The following TGFBI variants were observed in gnomAD, a reference collection of about 807,000 sequenced individuals.
TGFBI encodes the protein transforming growth factor-beta-induced protein ig-h3.
Under a neutral mutation model 73.7 loss-of-function variants are expected in TGFBI, and 50 were observed. That is an observed-to-expected ratio of 0.68 (90% CI 0.54 to 0.86). The LOEUF (loss-of-function observed/expected upper bound fraction) is 0.86. TGFBI is among the 40% of genes least tolerant of loss of function. TGFBI has a pLI of 0.00. For missense variants in TGFBI, 839 were observed against 877.0 expected, an observed-to-expected ratio of 0.96 and a Z score of 0.55; for synonymous variants, 362 against 360.5, an observed-to-expected ratio of 1.00 and a Z score of -0.05.
intron 3 of TGFBI, among the ~76,000 whole-genome samples, chr5:136,045,091 T>C (rs1367508051): frequency 6.6e-6 from 1 of 152,188 alleles, no homozygotes; most frequent in Non-Finnish European, 1.5e-5. Flanking sequence ...GCCAACTGTA[T>C]TGGCTATTTT....
chr5:136,055,042 T>C (rs775474151), intron 10 of TGFBI, 181 bp downstream of exon 10: 3 of 754,880 alleles, frequency 4.0e-6, no homozygotes, highest in Non-Finnish European at 6.3e-6. Flanking sequence ...GATTGGAATC[T>C]CTTTTTCTGG....
chr5:136,049,658 A>T, intron 7 of TGFBI, 78 bp downstream of exon 7: 1 of 1,510,210 alleles, frequency 6.6e-7, no homozygotes, highest in Non-Finnish European at 9.0e-7. Flanking sequence ...GTCCAAGATG[A>T]ACATACCACC....
chr5:136,042,182 T>C (rs2126906792), intron 2 of TGFBI, among the ~76,000 whole-genome samples: 1 of 152,362 alleles, frequency 6.6e-6, no homozygotes, highest in South Asian at 2.1e-4. Context: ...CCCATGCATA[T>C]GCATCCCTAG....
At chr5:136,034,186 C>T (rs1283630752) in intron 2 of TGFBI, among the ~76,000 whole-genome samples, 3 of 151,890 alleles carry the variant, frequency 2.0e-5, no homozygotes, top group Non-Finnish European at 2.9e-5. Context: ...AGTGGAGAAG[C>T]CACCAGCATG....
At chr5:136,051,265 A>G (rs1456725763) in intron 7 of TGFBI, among the ~76,000 whole-genome samples, 1 of 152,100 alleles carries the variant, frequency 6.6e-6, no homozygotes, top group African/African-American at 2.4e-5. Flanking sequence ...CCCCGTCTCT[A>G]CTAAAAATAC....
At chr5:136,051,064 G>T (rs2237071) in intron 7 of TGFBI, among the ~76,000 whole-genome samples, 47,437 of 152,058 alleles carry the variant, frequency 0.31, 7,701 homozygotes, top group African/African-American at 0.41. Flanking sequence ...TAGCCTTAAG[G>T]GGCCCAAAGG....
In TGFBI at chr5:136,033,833, T is replaced by C; in HGVS notation, c.205T>C (p.Tyr69His). 6.2e-7 allele frequency: 1 copy of C among 1,613,862 alleles called. No homozygotes were observed. The highest frequency in any genetic ancestry group is 1.6e-4 in the Middle Eastern group (1 of 6,062). ...RKYFTNCKQW[Y>H]QRKICGKSTV... Reference sequence around the variant, plus strand: ...GTACTTCACCAACTGCAAGCAGTGGTACCAAAGGAAAATCTGTGGCAAATC... The same window carrying C: ...GTACTTCACCAACTGCAAGCAGTGGCACCAAAGGAAAATCTGTGGCAAATC... Residue 69 changes from tyrosine (Y) to histidine (H), a missense_variant, in exon 2 of 17, where the codon TAC (tyrosine) becomes CAC (histidine). Transcript: ENST00000442011.
At position 136,053,828 on chromosome 5, in the gene TGFBI, G is replaced by T. The variant is rs45497697; in HGVS notation, c.1127-115G>T. 8.4e-4 allele frequency: 1,238 copies of T among 1,465,802 alleles called. 2 individuals are homozygous for T. Among genetic ancestry groups the T allele is most frequent in the Non-Finnish European group, 1.1e-3 (1,142 of 1,070,130 alleles). 90.8% of individuals were successfully genotyped at this position (1,465,802 alleles called of 1,614,324 possible). On this transcript the variant is annotated intron_variant, in intron 8 of 16. Coordinates refer to ENST00000442011, the MANE Select transcript of TGFBI (RefSeq NM_000358.3). The stretch of plus-strand genomic sequence containing the variant: ...GCTGGGCCCCAGCAGTGTTTAGAGG[G>T]GTTGTTGACTCACGAGATGACATTC...
rs200548657 is a variant in TGFBI, at chr5:136,059,079, G to T, written c.1679-11G>T. The T allele has an allele frequency of 3.1e-6, 5 of 1,608,514 alleles. No individual in the cohort carries two copies. The highest frequency in any genetic ancestry group is 4.2e-6 in the Non-Finnish European group (5 of 1,177,614). ...GGGATTAACTCTATCTCCTTTTCCC[G>T]CAACCTGCAGGAGATGCCAAGGAAC... On this transcript the variant is annotated splice_polypyrimidine_tract_variant and intron_variant, in intron 12 of 16. Transcript: ENST00000442011.
intron 14 of TGFBI, 106 bp from the exon 15 acceptor site, chr5:136,061,394 G>A: frequency 1.2e-6 from 1 of 805,370 alleles, no homozygotes; most frequent in Non-Finnish European, 2.1e-6. Flanking sequence ...ACATGTCTTT[G>A]GAAATGTGAG....
At chr5:136,045,099 T>A (rs1383443765) in intron 3 of TGFBI, among the ~76,000 whole-genome samples, 1 of 152,156 alleles carries the variant, frequency 6.6e-6, no homozygotes, top group African/African-American at 2.4e-5. Flanking sequence ...TATTGGCTAT[T>A]TTTTTAGTTA....
intron 7 of TGFBI, chr5:136,049,785 A>T (rs1364784728): frequency 5.4e-6 from 3 of 558,146 alleles, no homozygotes; most frequent in Non-Finnish European, 9.3e-6. Context: ...TGACTACAGA[A>T]TCCAGCAGCT....
intron 2 of TGFBI, among the ~76,000 whole-genome samples, chr5:136,039,861 C>T (rs1180958742): frequency 1.3e-5 from 2 of 152,170 alleles, no homozygotes; most frequent in Admixed American, 6.5e-5. Context: ...ACCAGGAGGG[C>T]AGAAAGCAAA....
intron 2 of TGFBI, 140 bp from the exon 3 acceptor site, chr5:136,043,918 C>A: frequency 1.5e-6 from 1 of 689,130 alleles, no homozygotes; most frequent in Non-Finnish European, 2.6e-6. Context: ...TATGACTTAG[C>A]AAATAACTCC....
intron 10 of TGFBI, chr5:136,055,127 T>G (rs151168514): frequency 6.9e-6 from 3 of 436,442 alleles, no homozygotes; most frequent in African/African-American, 4.0e-5. Context: ...ATTCAGGAAT[T>G]AACACCTGGG....
chr5:136,043,381 T>C (rs1158319780), intron 2 of TGFBI, among the ~76,000 whole-genome samples: 2 of 152,256 alleles, frequency 1.3e-5, no homozygotes, highest in East Asian at 3.8e-4. Flanking sequence ...AAAGTTCTTA[T>C]TGATTACTTT....
At chr5:136,044,250 A>G in intron 3 of TGFBI, 128 bp downstream of exon 3, 1 of 788,028 alleles carries the variant, frequency 1.3e-6, no homozygotes, top group Non-Finnish European at 2.1e-6. Context: ...CATTCTCCCC[A>G]CGTGCCCACT....
intron 3 of TGFBI, 33 bp downstream of exon 3, chr5:136,044,155 G>A (rs939344125): frequency 6.3e-7 from 1 of 1,580,920 alleles, no homozygotes; most frequent in Non-Finnish European, 8.7e-7. Context: ...GCCTGTTGGT[G>A]TGGGTGGAAG....
rs1263269620 is a variant in TGFBI at position 136,063,319 on chromosome 5, G to A, written c.*93G>A. ...ACTGTTTGAATGTTTTCAAAACCAA[G>A]TATCACACTTTAATGTACATGGGCC... On this transcript the variant is annotated 3_prime_UTR_variant, in exon 17 of 17. Transcript: ENST00000442011. The A allele has an allele frequency of 3.3e-6, 4 of 1,194,684 alleles. No individual in the cohort carries two copies. Among genetic ancestry groups the A allele is most frequent in the Non-Finnish European group, 4.9e-6 (4 of 814,538 alleles). 74.0% of individuals were successfully genotyped at this position (1,194,684 alleles called of 1,614,324 possible).
Sources: allele counts gnomAD v4.1 joint callset (sites outside exome capture counted in the v4.1 genomes callset), GRCh38; gene constraint gnomAD v4.1.1; transcripts MANE v1.5; gene names NCBI Gene and HGNC (gene_info 2026-07-23, HGNC 2026-07-21).